EVC2: variants seen among roughly 807,000 people sequenced by gnomAD.
EVC2 encodes the protein EvC ciliary complex subunit 2.
In EVC2, 148 loss-of-function variants were observed where a neutral mutation model predicts 149.3. The ratio of observed to expected loss-of-function variants is 0.99; its 90% CI spans 0.87 to 1.14. The LOEUF (loss-of-function observed/expected upper bound fraction) is 1.14. Ranked by LOEUF, EVC2 falls within the 50% of genes most tolerant of loss-of-function variation. The pLI, the probability that EVC2 is intolerant of heterozygous loss-of-function variation, is 0.00. For synonymous variants in EVC2, 776 were observed against 649.9 expected, an observed-to-expected ratio of 1.19 and a Z score of -2.95; for missense variants, 1,854 against 1,627.3, an observed-to-expected ratio of 1.14 and a Z score of -2.40.
chr4:5,563,582 C>T (rs114953582), intron 21 of EVC2, among the ~76,000 whole-genome samples: 2,086 of 152,190 alleles, frequency 0.014, 31 homozygotes, highest in Admixed American at 0.042. Flanking sequence ...CTTCATGATC[C>T]GCCCACATCG....
At chr4:5,589,180 C>G (rs934833335) in intron 16 of EVC2, among the ~76,000 whole-genome samples, 1 of 152,160 alleles carries the variant, frequency 6.6e-6, no homozygotes, top group African/African-American at 2.4e-5. Context: ...AACAGGCTAA[C>G]CTTTTGGGTT....
intron 13 of EVC2, among the ~76,000 whole-genome samples, chr4:5,624,149 C>G (rs929923106): frequency 1.3e-5 from 2 of 152,012 alleles, no homozygotes; most frequent in African/African-American, 4.8e-5. Flanking sequence ...AAGAACCTGC[C>G]TGGGAGAAAA....
chr4:5,616,119 G>T (rs929171663), intron 15 of EVC2, among the ~76,000 whole-genome samples: 1 of 152,162 alleles, frequency 6.6e-6, no homozygotes, highest in Non-Finnish European at 1.5e-5. Context: ...TGTCAAGCCG[G>T]TAGCCTGAAA....
intron 6 of EVC2, among the ~76,000 whole-genome samples, chr4:5,683,817 AACACACACAGCTGCCCAGGAACAC>A (rs1040178631): frequency 5.3e-5 from 7 of 131,698 alleles, no homozygotes; most frequent in African/African-American, 1.9e-4. Context: ...GCTGGCCAGG[AACACACACAGCTGCCCAGGAACAC>A]ACACACACAG....
At chr4:5,632,138 A>G (rs1716589564) in intron 10 of EVC2, 106 bp from the exon 11 acceptor site, 3 of 1,453,290 alleles carry the variant, frequency 2.1e-6, no homozygotes, top group African/African-American at 1.4e-5. Context: ...CAATGTGTAC[A>G]TGAACACACA....
rs747020054 is a variant in EVC2, at chr4:5,628,554, G to T, written c.1886+5C>A. On this transcript the variant is annotated splice_donor_5th_base_variant and intron_variant, in intron 12 of 21. Transcript: ENST00000344408. ...TCGCACTGTTGGGACAGTGTTGAGT[G>T]GTACCTCTCGTGCTTCTGAATGAGG... 3 of 1,614,030 alleles carry T rather than the reference G, an allele frequency of 1.9e-6. No individual in the cohort carries two copies. Among genetic ancestry groups the T allele is most frequent in the Admixed American group, 1.7e-5 (1 of 60,006 alleles).
At chr4:5,617,102 A>G (rs531207203) in intron 15 of EVC2, among the ~76,000 whole-genome samples, 1 of 111,284 alleles carries the variant, frequency 9.0e-6, no homozygotes, top group Non-Finnish European at 1.6e-5. Context: ...AACAGTACTT[A>G]AAAAAAAAAT....
chr4:5,622,472 G>A lies in EVC2; in HGVS notation c.2501+65C>T. 2 of 1,560,580 alleles carry A rather than the reference G, an allele frequency of 1.3e-6. No homozygotes were observed. Among genetic ancestry groups the A allele is most frequent in the Middle Eastern group, 1.7e-4 (1 of 5,990 alleles). ...ATGCTTGGCCATCCCCACAACCACA[G>A]GGCAGGAATCTCCCTGGCATCAACG... On this transcript the variant is annotated intron_variant, in intron 14 of 21. Coordinates refer to ENST00000344408, the MANE Select transcript of EVC2 (RefSeq NM_147127.5). The surrounding 1 kb of genome is among the most constrained non-coding windows in gnomAD (Gnocchi z 5.8).
intron 20 of EVC2, among the ~76,000 whole-genome samples, chr4:5,566,005 CT>C (rs1722260508): frequency 6.6e-6 from 1 of 152,234 alleles, no homozygotes; most frequent in Admixed American, 6.5e-5. Context: ...GGGATGAATG[CT>C]CTACGCAAGC....
chr4:5,654,863 G>GCTGCCA (rs1718404630), intron 9 of EVC2, among the ~76,000 whole-genome samples: 1 of 152,198 alleles, frequency 6.6e-6, no homozygotes, highest in Non-Finnish European at 1.5e-5. Flanking sequence ...TCGGGTGGAA[G>GCTGCCA]CTGCCACTGC....
At chr4:5,631,011 T>G (rs1242329682) in intron 11 of EVC2, among the ~76,000 whole-genome samples, 6 of 152,168 alleles carry the variant, frequency 3.9e-5, no homozygotes, top group Non-Finnish European at 7.4e-5. Context: ...CATGCACTTG[T>G]GCATGTAAAA....
At chr4:5,708,737 G>T, upstream of EVC2, 1 of 442,214 alleles carries the variant, frequency 2.3e-6, no homozygotes, top group Non-Finnish European at 3.9e-6. Flanking sequence ...GGCCAGGCCT[G>T]GGTTTGCTTG....
intron 19 of EVC2, among the ~76,000 whole-genome samples, chr4:5,572,941 C>G (rs1467189874): frequency 6.6e-6 from 1 of 152,160 alleles, no homozygotes; most frequent in East Asian, 1.9e-4. Flanking sequence ...GAATCCCAAG[C>G]CCCCCACGAG....
chr4:5,579,134 C>T (rs1282200171), intron 17 of EVC2, among the ~76,000 whole-genome samples: 6 of 152,056 alleles, frequency 3.9e-5, no homozygotes, highest in Non-Finnish European at 4.4e-5. Context: ...TTTTATTTTT[C>T]AGAAACATCC....
intron 6 of EVC2, among the ~76,000 whole-genome samples, chr4:5,682,141 A>G (rs1032173402): frequency 6.6e-6 from 1 of 152,198 alleles, no homozygotes; most frequent in Non-Finnish European, 1.5e-5. Context: ...ATAAAATATT[A>G]CTGCTATTGG....
intron 9 of EVC2, among the ~76,000 whole-genome samples, chr4:5,645,743 G>A (rs113578727): frequency 1.1e-4 from 17 of 152,080 alleles, no homozygotes; most frequent in African/African-American, 1.9e-4. Flanking sequence ...GTGTCTTTAC[G>A]ACAGAATGAT....
chr4:5,641,870 T>A (rs560389113), intron 9 of EVC2, among the ~76,000 whole-genome samples: 1 of 152,322 alleles, frequency 6.6e-6, no homozygotes, highest in Non-Finnish European at 1.5e-5. Flanking sequence ...TTGCTGCACC[T>A]ATCAACCCGA....
intron 9 of EVC2, among the ~76,000 whole-genome samples, chr4:5,652,207 G>A (rs1458664800): frequency 6.6e-6 from 1 of 152,220 alleles, no homozygotes; most frequent in East Asian, 1.9e-4. Context: ...AGGTGCTGGT[G>A]ATGAGGTGGT....
At chr4:5,623,090 C>T in intron 13 of EVC2, 99 bp from the exon 14 acceptor site, 1 of 1,095,868 alleles carries the variant, frequency 9.1e-7, no homozygotes, top group Non-Finnish European at 1.3e-6. Flanking sequence ...ATGTTTATAG[C>T]CTTTTCCCCA....
Sources: gnomAD v4.1 joint callset for allele counts (sites outside exome capture counted in the v4.1 genomes callset) on GRCh38, gnomAD v4.1.1 for gene constraint, Gnocchi (gnomAD v3.1) non-coding constraint, MANE v1.5 for transcripts, NCBI Gene and HGNC (gene_info 2026-07-23, HGNC 2026-07-21) for gene names.